The following FBH1 variants were observed in gnomAD, a reference collection of about 807,000 sequenced individuals.
The protein encoded by FBH1 is DNA 3'-5' helicase 1.
In FBH1, 43 loss-of-function variants were observed where a neutral mutation model predicts 115.5. The ratio of observed to expected loss-of-function variants is 0.37; its 90% CI spans 0.29 to 0.48. FBH1 has a LOEUF of 0.48. FBH1 is among the 20% of genes least tolerant of loss of function. The probability of loss-of-function intolerance (pLI) is 0.99; values close to 1 mark genes in which losing one functional copy is unlikely to be tolerated. For missense variants in FBH1, 1,001 were observed against 1,337.3 expected, an observed-to-expected ratio of 0.75 and a Z score of 3.92; for synonymous variants, 524 against 507.8, an observed-to-expected ratio of 1.03 and a Z score of -0.43.
rs940214203 is a variant in FBH1 at position 5,914,730 on chromosome 10, C to G, written c.1396+461C>G. ...CCTCAGTCAGCCACGCCGATCCACT[C>G]ACAGCCTCCTGAAGTACTTGGTTAC... On this transcript the variant is annotated intron_variant, in intron 8 of 20. Transcript: ENST00000362091. The surrounding 1 kb of genome is among the most constrained non-coding windows in gnomAD (Gnocchi z 5.2). Among the ~76,000 whole-genome samples the G allele has an allele frequency of 2.0e-5, 3 of 152,240 alleles. No individual in the cohort carries two copies. The highest frequency in any genetic ancestry group is 7.2e-5 in the African/African-American group (3 of 41,466).
intron 19 of FBH1, chr10:5,929,874 G>T (rs932846422): frequency 1.3e-5 from 2 of 152,124 alleles, no homozygotes; most frequent in Non-Finnish European, 2.9e-5. Flanking sequence ...AAACATTTTT[G>T]TATAAACTTT....
intron 18 of FBH1, among the ~76,000 whole-genome samples, chr10:5,926,260 C>T (rs547986017): frequency 3.7e-4 from 56 of 152,244 alleles, no homozygotes; most frequent in African/African-American, 1.2e-3. Flanking sequence ...ACTACAGGCA[C>T]GTGCCACCAC....
rs1842704674 is a variant in FBH1 at position 5,891,229 on chromosome 10, TG to T, written c.1+884del. The T allele has an allele frequency of 2.1e-5, 20 of 950,320 alleles. 1 individual carries two copies. In the South Asian group the frequency reaches 8.8e-4, roughly 42 times the overall value. The allele number at this position is 950,320 out of a possible 1,614,324, so 58.9% of individuals were successfully genotyped here. ...TGAAAAGACTTCTGGAATGGGCCCATGAAGATAAGTCCGTTTTACTCATGAG... is the reference window on the plus strand; with the variant it reads ...TGAAAAGACTTCTGGAATGGGCCCATAAGATAAGTCCGTTTTACTCATGAG... On this transcript the variant is annotated intron_variant, in intron 1 of 20. Coordinates refer to ENST00000362091, the MANE Select transcript of FBH1 (RefSeq NM_178150.3).
chr10:5,894,864 A>C (rs938893038), intron 1 of FBH1, among the ~76,000 whole-genome samples: 1 of 152,248 alleles, frequency 6.6e-6, no homozygotes, highest in Non-Finnish European at 1.5e-5. Context: ...ATACAGTGCA[A>C]TTAAAAACAA....
At position 5,918,530 on chromosome 10, in the gene FBH1, C is replaced by T. The variant is rs749452556; in HGVS notation, c.2100+52C>T. 1.1e-5 allele frequency: 17 copies of T among 1,499,596 alleles called. No homozygotes were observed. In the African/African-American group the frequency reaches 1.3e-4, roughly 11 times the overall value. The allele number at this position is 1,499,596 out of a possible 1,614,324, so 92.9% of individuals were successfully genotyped here. A position where few individuals can be genotyped will look rare whatever the true frequency, so the allele number is the denominator to read the frequency against. On this transcript the variant is annotated intron_variant, in intron 13 of 20. Transcript: ENST00000362091. The surrounding 1 kb of genome is among the most constrained non-coding windows in gnomAD (Gnocchi z 4.0). Reference sequence around the variant, plus strand: ...ATTGCATCTCTCTCCCAATGTCTTACGTGCCAGGCCCTGTGAAAGGTGGTA... The same window carrying T: ...ATTGCATCTCTCTCCCAATGTCTTATGTGCCAGGCCCTGTGAAAGGTGGTA...
In FBH1 at chr10:5,917,973, T is replaced by C. The variant is rs1832076043; in HGVS notation, c.1963+297T>C. 6.6e-6 allele frequency among the ~76,000 whole-genome samples: 1 copy of C among 152,164 alleles called. No individual in the cohort carries two copies. The highest frequency in any genetic ancestry group is 6.5e-5 in the Admixed American group (1 of 15,288). On this transcript the variant is annotated intron_variant, in intron 12 of 20. Coordinates refer to ENST00000362091, the MANE Select transcript of FBH1 (RefSeq NM_178150.3). This position sits in a 1 kb window ranked among gnomAD's most constrained non-coding sequence, Gnocchi z 5.6. ...GATCGTCCATTGACAGGGAAAAGCT[T>C]GTGTTGTCTACTTCTCAAGTGGCTA...
chr10:5,924,024 T>C lies in FBH1; in HGVS notation c.2399-287T>C, dbSNP rs1478370928. The C allele has an allele frequency of 1.8e-6, 1 of 567,916 alleles. No individual in the cohort carries two copies. Among genetic ancestry groups the C allele is most frequent in the Non-Finnish European group, 3.1e-6 (1 of 319,124 alleles). The allele number at this position is 567,916 out of a possible 1,614,324, so 35.2% of individuals were successfully genotyped here. ...CCCAAGTGATAGCGTCGAGCATTTC[T>C]ATAGCGCTTTTCTTTTCCTGTTGAC... is the stretch of plus-strand genomic sequence containing the variant. On this transcript the variant is annotated intron_variant, in intron 16 of 20. Transcript: ENST00000362091. This position sits in a 1 kb window ranked among gnomAD's most constrained non-coding sequence, Gnocchi z 6.2.
chr10:5,914,362 T>C lies in FBH1; in HGVS notation c.1396+93T>C, dbSNP rs986445867. 3 of 1,018,852 alleles carry C rather than the reference T, an allele frequency of 2.9e-6. No individual in the cohort carries two copies. Among genetic ancestry groups the C allele is most frequent in the Non-Finnish European group, 4.6e-6 (3 of 649,850 alleles). The allele number at this position is 1,018,852 out of a possible 1,614,324, so 63.1% of individuals were successfully genotyped here. ...GCTACCTGCCAGGGCATCTTTGCTC[T>C]GATCTGTCATCCAACTAATAATTCA... is the stretch of plus-strand genomic sequence containing the variant. On this transcript the variant is annotated intron_variant, in intron 8 of 20. Transcript: ENST00000362091. This position sits in a 1 kb window ranked among gnomAD's most constrained non-coding sequence, Gnocchi z 5.2.
At chr10:5,893,963 C>G (rs1295854177) in intron 1 of FBH1, 5 of 983,932 alleles carry the variant, frequency 5.1e-6, no homozygotes, top group Non-Finnish European at 6.0e-6. Context: ...TCAAACATTC[C>G]TTTCTTTCTT....
chr10:5,919,790 G>C (rs1228849160), intron 13 of FBH1, among the ~76,000 whole-genome samples: 1 of 152,182 alleles, frequency 6.6e-6, no homozygotes, highest in Non-Finnish European at 1.5e-5. Context: ...GGTGATTTAG[G>C]GTAGCGTCAC....
rs1436324797 is a variant in FBH1, at chr10:5,897,015, TG to T, written c.2-6004del. 6.6e-6 allele frequency among the ~76,000 whole-genome samples: 1 copy of T among 152,148 alleles called. No homozygotes were observed. The highest frequency in any genetic ancestry group is 1.5e-5 in the Non-Finnish European group (1 of 68,018). The stretch of plus-strand genomic sequence containing the variant: ...AATAGAAGGGTGATTAGAATTCTAG[TG>T]TAGTGTTTTGGTTTTATTTTTAACC... On this transcript the variant is annotated intron_variant, in intron 1 of 20. Transcript: ENST00000362091. The surrounding 1 kb of genome is among the most constrained non-coding windows in gnomAD (Gnocchi z 4.7).
rs1831543787 is a variant in FBH1, at chr10:5,910,862, T to G, written c.1021-76T>G. ...AGCTGGACCCGTGGCTCGGCTTTCC[T>G]GACTCCTTCCTGCTGTGATTCGTAT... On this transcript the variant is annotated intron_variant, in intron 5 of 20. Coordinates refer to ENST00000362091, the MANE Select transcript of FBH1 (RefSeq NM_178150.3). This position sits in a 1 kb window ranked among gnomAD's most constrained non-coding sequence, Gnocchi z 4.8. 4 of 1,358,020 alleles carry G rather than the reference T, an allele frequency of 2.9e-6. No individual in the cohort carries two copies. The highest frequency in any genetic ancestry group is 4.0e-6 in the Non-Finnish European group (4 of 998,632). The allele number at this position is 1,358,020 out of a possible 1,614,324, so 84.1% of individuals were successfully genotyped here.
chr10:5,912,949 A>G (rs1347896590), intron 6 of FBH1, among the ~76,000 whole-genome samples: 1 of 152,056 alleles, frequency 6.6e-6, no homozygotes, highest in Non-Finnish European at 1.5e-5. Context: ...TGGATTATTA[A>G]AGGTATTTGT....
chr10:5,925,043 T>C lies in FBH1; in HGVS notation c.2597-324T>C, dbSNP rs2669127. Among the ~76,000 whole-genome samples, 139,250 of 152,278 alleles carry C rather than the reference T, an allele frequency of 0.91. 63,765 individuals carry two copies. The highest frequency in any genetic ancestry group is 0.96 in the African/African-American group (40,091 of 41,568). On this transcript the variant is annotated intron_variant, in intron 17 of 20. Transcript: ENST00000362091. This position sits in a 1 kb window ranked among gnomAD's most constrained non-coding sequence, Gnocchi z 4.6. ...CTGCCACGTGTAATGTCAGGCAAGC[T>C]GTGCAGCCCTCTTCTGGGCTCTGTC... is the stretch of plus-strand genomic sequence containing the variant.
In FBH1 at chr10:5,936,591, C is replaced by T. The variant is rs377245702; in HGVS notation, c.2961+4C>T. 3.5e-5 allele frequency: 56 copies of T among 1,613,258 alleles called. 1 individual carries two copies. The highest frequency in any genetic ancestry group is 3.4e-4 in the South Asian group (31 of 91,066). ...GAAGAAGCTGCCCATCACCTATGTA[C>T]GTCTGCTGTCTGTGGAACTTAATTC... On this transcript the variant is annotated splice_donor_region_variant and intron_variant, in intron 20 of 20. Coordinates refer to ENST00000362091, the MANE Select transcript of FBH1 (RefSeq NM_178150.3). The surrounding 1 kb of genome is among the most constrained non-coding windows in gnomAD (Gnocchi z 5.6).
At position 5,925,298 on chromosome 10, in the gene FBH1, G is replaced by T. The variant is rs1279876441; in HGVS notation, c.2597-69G>T. 6.3e-7 allele frequency: 1 copy of T among 1,578,692 alleles called. No homozygotes were observed. Among genetic ancestry groups the T allele is most frequent in the Non-Finnish European group, 8.6e-7 (1 of 1,158,750 alleles). ...GAGTTCAGAGTCAAGTGGGAAACAT[G>T]TATGTTTTTGTCATCTTGTTTCTTT... is the stretch of plus-strand genomic sequence containing the variant. On this transcript the variant is annotated intron_variant, in intron 17 of 20. Transcript: ENST00000362091. The surrounding 1 kb of genome is among the most constrained non-coding windows in gnomAD (Gnocchi z 4.6).
intron 1 of FBH1, among the ~76,000 whole-genome samples, chr10:5,893,255 G>A (rs1842837328): frequency 6.6e-6 from 1 of 152,198 alleles, no homozygotes; most frequent in Admixed American, 6.5e-5. Flanking sequence ...GCAATGAGCC[G>A]AGACTGTGCC....
At chr10:5,893,847 T>C (rs1842866117) in intron 1 of FBH1, 1 of 281,274 alleles carries the variant, frequency 3.6e-6, no homozygotes, top group African/African-American at 2.3e-5. Flanking sequence ...ATCTGGGACA[T>C]AGCAGATACG....
chr10:5,937,446 A>G lies in FBH1; in HGVS notation c.*166A>G, dbSNP rs750991644. Reference sequence around the variant, plus strand: ...TGGACCTGCCATTTCTCCACTCCCTACAGACAGCCAGTCTCCACTTGCCTC... The same window carrying G: ...TGGACCTGCCATTTCTCCACTCCCTGCAGACAGCCAGTCTCCACTTGCCTC... On this transcript the variant is annotated 3_prime_UTR_variant, in exon 21 of 21. Coordinates refer to ENST00000362091, the MANE Select transcript of FBH1 (RefSeq NM_178150.3). 2.7e-4 allele frequency: 162 copies of G among 606,174 alleles called. No individual in the cohort carries two copies. Among genetic ancestry groups the G allele is most frequent in the Middle Eastern group, 4.8e-4 (1 of 2,102 alleles). The allele number at this position is 606,174 out of a possible 1,614,324, so 37.5% of individuals were successfully genotyped here. A position where few individuals can be genotyped will look rare whatever the true frequency, so the allele number is the denominator to read the frequency against.
Sources: gnomAD v4.1 joint callset for allele counts (sites outside exome capture counted in the v4.1 genomes callset) on GRCh38, gnomAD v4.1.1 for gene constraint, Gnocchi (gnomAD v3.1) non-coding constraint, MANE v1.5 for transcripts, NCBI Gene and HGNC (gene_info 2026-07-23, HGNC 2026-07-21) for gene names.